The following MYOM1 variants were observed in gnomAD, a reference collection of about 807,000 sequenced individuals.
The protein encoded by MYOM1 is myomesin 1.
Under a neutral mutation model 205.3 loss-of-function variants are expected in MYOM1, and 164 were observed. That is an observed-to-expected ratio of 0.80 (90% CI 0.70 to 0.91). The LOEUF (loss-of-function observed/expected upper bound fraction) is 0.91, where lower values mean the gene tolerates loss of function less well. MYOM1 is among the 40% of genes least tolerant of loss of function. The probability of loss-of-function intolerance (pLI) is 0.00; values close to 1 mark genes in which losing one functional copy is unlikely to be tolerated. For missense variants in MYOM1, 2,011 were observed against 2,127.3 expected (o/e 0.95, Z 1.08); for synonymous variants, 772 against 789.4 (o/e 0.98, Z 0.37).
chr18:3,223,998 C>G (rs1446762777), upstream of MYOM1, among the ~76,000 whole-genome samples: 15 of 151,436 alleles, frequency 9.9e-5, no homozygotes, highest in African/African-American at 3.6e-4. Context: ...TGACCTAGAT[C>G]TAAACTAGGT....
At chr18:3,101,081 C>T (rs113236586) in intron 23 of MYOM1, among the ~76,000 whole-genome samples, 1 of 152,134 alleles carries the variant, frequency 6.6e-6, no homozygotes, top group Non-Finnish European at 1.5e-5. Context: ...AGTGTATAAA[C>T]TGGGAGAAAA....
At chr18:3,113,469 C>T (rs1368879102) in intron 21 of MYOM1, among the ~76,000 whole-genome samples, 1 of 151,234 alleles carries the variant, frequency 6.6e-6, no homozygotes, top group Non-Finnish European at 1.5e-5. Flanking sequence ...GTTGGGACCA[C>T]AGACATGTGC....
At chr18:3,203,588 T>G (rs188171057) in intron 2 of MYOM1, among the ~76,000 whole-genome samples, 1 of 152,016 alleles carries the variant, frequency 6.6e-6, no homozygotes, top group Admixed American at 6.5e-5. Context: ...GAGAAAAAAT[T>G]ACAAAATCTG....
At position 3,135,649 on chromosome 18, in the gene MYOM1, C is replaced by A; in HGVS notation, c.2107G>T (p.Ala703Ser). The A allele has an allele frequency of 6.2e-7, 1 of 1,613,928 alleles. No individual in the cohort carries two copies. The highest frequency in any genetic ancestry group is 8.5e-7 in the Non-Finnish European group (1 of 1,179,880). ...KSPRFALFDL[A>S]EGKSYCFRVR... ...CGGAAACAGTAGGATTTCCCCTCGG[C>A]CAAGTCAAACAGAGCAAAGCGGGGA... The change falls in exon 15 of 38, where the codon GCC becomes TCC. Residue 703 changes from alanine (A) to serine (S), a missense_variant. Physicochemically the swap from Ala to Ser is moderately conservative, Grantham distance 99. Transcript: ENST00000356443. The surrounding 1 kb of genome is among the most constrained non-coding windows in gnomAD (Gnocchi z 4.1).
chr18:3,227,824 A>G, the MYOM1 span, among the ~76,000 whole-genome samples: 2 of 152,276 alleles, frequency 1.3e-5, no homozygotes, highest in South Asian at 4.1e-4. Flanking sequence ...TCAAAAAAAA[A>G]TTAATTAATT....
intron 26 of MYOM1, 92 bp downstream of exon 26, chr18:3,094,078 G>A (rs919909676): frequency 2.3e-5 from 30 of 1,327,254 alleles, no homozygotes; most frequent in African/African-American, 7.3e-5. Flanking sequence ...ACCACCCAGC[G>A]GTTTTTATAA....
intron 10 of MYOM1, among the ~76,000 whole-genome samples, chr18:3,164,010 G>A (rs1371019195): frequency 7.9e-6 from 1 of 127,246 alleles, no homozygotes; most frequent in Non-Finnish European, 1.6e-5. Flanking sequence ...ATGCCGCCAT[G>A]CCCAGCTAAT....
rs772298193 is a variant in MYOM1 at position 3,215,063 on chromosome 18, T to C, written c.161A>G (p.His54Arg). Residue 54 changes from histidine (H) to arginine (R), a missense_variant, in exon 2 of 38, where the codon CAC becomes CGC. Coordinates refer to ENST00000356443, the MANE Select transcript of MYOM1 (RefSeq NM_003803.4). ...TAYSSRSSAA[H>R]RRESEAFRRA... ...ACGGAAGGCCTCGGACTCCCGGCGG[T>C]GCGCGGCGGAGGAGCGGCTGCTGTA... The C allele has an allele frequency of 1.4e-5, 22 of 1,613,312 alleles. No individual in the cohort carries two copies. Among genetic ancestry groups the C allele is most frequent in the Non-Finnish European group, 1.6e-5 (19 of 1,179,786 alleles).
intron 8 of MYOM1, among the ~76,000 whole-genome samples, chr18:3,173,516 G>C (rs981256012): frequency 6.6e-6 from 1 of 151,754 alleles, no homozygotes; most frequent in Non-Finnish European, 1.5e-5. Context: ...TCTCAAGGAA[G>C]TGATGCCCAT....
the MYOM1 span, among the ~76,000 whole-genome samples, chr18:3,244,433 A>T: frequency 3.3e-5 from 5 of 152,302 alleles, no homozygotes; most frequent in Non-Finnish European, 7.4e-5. Flanking sequence ...AATATAATTA[A>T]GGTTAAATGA....
rs1257889471 is a variant in MYOM1 at position 3,193,865 on chromosome 18, C to T, written c.384G>A (p.Glu128=). 1.9e-6 allele frequency: 3 copies of T among 1,613,820 alleles called. No individual in the cohort carries two copies. The highest frequency in any genetic ancestry group is 1.6e-4 in the Middle Eastern group (1 of 6,062). The change falls in exon 3 of 38, where the codon GAG becomes GAA. Residue 128 remains glutamate, a synonymous_variant. Coordinates refer to ENST00000356443, the MANE Select transcript of MYOM1 (RefSeq NM_003803.4). ...TGTAGTCACTGGGCAAATTTTCTTT[C>T]TCTTCTCCAGACAGTAGGCTGTGCT... ...RAKHSLLSGE[E]KENLPSDYMV...
chr18:3,182,716 C>CT (rs1472493869), intron 5 of MYOM1, among the ~76,000 whole-genome samples: 1 of 151,924 alleles, frequency 6.6e-6, no homozygotes, highest in Non-Finnish European at 1.5e-5. Flanking sequence ...AACATAAATG[C>CT]TTTTTTCTTC....
At chr18:3,111,761 T>C (rs113586762) in intron 22 of MYOM1, among the ~76,000 whole-genome samples, 2,395 of 152,276 alleles carry the variant, frequency 0.016, 63 homozygotes, top group African/African-American at 0.053. Context: ...ATGGCTTCTT[T>C]TGTGTCATGG....
intron 2 of MYOM1, among the ~76,000 whole-genome samples, chr18:3,206,309 G>A (rs752950003): frequency 6.6e-6 from 1 of 152,062 alleles, no homozygotes; most frequent in Non-Finnish European, 1.5e-5. Flanking sequence ...TTACAGCTCC[G>A]TACTGTTCAC....
At chr18:3,216,388 AAGTC>A (rs2081267530) in intron 1 of MYOM1, among the ~76,000 whole-genome samples, 1 of 152,240 alleles carries the variant, frequency 6.6e-6, no homozygotes, top group Non-Finnish European at 1.5e-5. Context: ...GAAAACAAGT[AAGTC>A]AAGTATGAGA....
In MYOM1 at chr18:3,209,146, G is replaced by C. The variant is rs2081161673; in HGVS notation, c.290+5788C>G. The stretch of plus-strand genomic sequence containing the variant: ...GATGTAGAGGGAATCTGGGAAAATG[G>C]GGAACAAGTGAATGGTTTTACTATC... On this transcript the variant is annotated intron_variant, in intron 2 of 37. Coordinates refer to ENST00000356443, the MANE Select transcript of MYOM1 (RefSeq NM_003803.4). The surrounding 1 kb of genome is among the most constrained non-coding windows in gnomAD (Gnocchi z 4.0). Among the ~76,000 whole-genome samples, 1 of 152,168 alleles carries C rather than the reference G, an allele frequency of 6.6e-6. No individual in the cohort carries two copies. The highest frequency in any genetic ancestry group is 1.5e-5 in the Non-Finnish European group (1 of 68,040).
Position 3,168,860 on chromosome 18 carries a change from A to G in MYOM1, c.1296T>C (p.Pro432=), listed in dbSNP as rs1467113496. The G allele has an allele frequency of 1.9e-6, 3 of 1,613,982 alleles. No homozygotes were observed. Among genetic ancestry groups the G allele is most frequent in the Admixed American group, 1.7e-5 (1 of 60,026 alleles). ...MSLGCRVVIT[P]EIKHFQPEIQ... ...TCTCTGGCTGGAAATGTTTAATTTC[A>G]GGAGTGATGACAACACGACAGCCTA... Residue 432 remains proline, a synonymous_variant, in exon 9 of 38, where the codon CCT becomes CCC. Coordinates refer to ENST00000356443, the MANE Select transcript of MYOM1 (RefSeq NM_003803.4).
intron 33 of MYOM1, among the ~76,000 whole-genome samples, chr18:3,082,071 C>A (rs1356696267): frequency 6.6e-6 from 1 of 152,212 alleles, no homozygotes; most frequent in Non-Finnish European, 1.5e-5. Context: ...ACCTAGATCC[C>A]TCGCATGCGC....
intron 12 of MYOM1, 127 bp downstream of exon 12, chr18:3,151,567 G>GA: frequency 2.7e-6 from 2 of 746,592 alleles, no homozygotes; most frequent in Non-Finnish European, 3.9e-6. Flanking sequence ...ATTTTCTGAT[G>GA]AAAAAAGGAT....
Sources: allele counts gnomAD v4.1 joint callset (sites outside exome capture counted in the v4.1 genomes callset), GRCh38; gene constraint gnomAD v4.1.1; non-coding constraint Gnocchi (gnomAD v3.1); transcripts MANE v1.5; gene names NCBI Gene and HGNC (gene_info 2026-07-23, HGNC 2026-07-21).